Variants in BORCS7 observed in about 807,000 individuals in gnomAD.
The protein encoded by BORCS7 is BLOC-1-related complex subunit 7.
In BORCS7, 20 loss-of-function variants were observed where a neutral mutation model predicts 17.5. The ratio of observed to expected loss-of-function variants is 1.14; its 90% confidence interval spans 0.80 to 1.66. BORCS7 has a LOEUF of 1.66. BORCS7 is among the 40% of genes most tolerant of loss of function. The probability of loss-of-function intolerance (pLI) is 0.00; values close to 1 mark genes in which losing one functional copy is unlikely to be tolerated. For synonymous variants in BORCS7, 57 were observed against 49.8 expected, an observed-to-expected ratio of 1.14 and a Z score of -0.61; for missense variants, 122 against 129.7, an observed-to-expected ratio of 0.94 and a Z score of 0.29.
At position 102,856,760 on chromosome 10, in the gene BORCS7, T is replaced by C. The variant is rs1844433252; in HGVS notation, c.141+2333T>C. The stretch of plus-strand genomic sequence containing the variant: ...GTATGTTATGTGTCTGGTCTGTTTA[T>C]GTAGGAAAGTGATGCAGAATGCCAA... On this transcript the variant is annotated intron_variant, in intron 1 of 4. Coordinates refer to ENST00000339834, the MANE Select transcript of BORCS7 (RefSeq NM_001136200.2). Among the ~76,000 whole-genome samples the C allele has an allele frequency of 5.9e-5, 9 of 152,360 alleles. No individual in the cohort carries two copies. In the South Asian group the frequency reaches 1.9e-3, roughly 32 times the overall value.
Position 102,854,272 on chromosome 10 carries a change from C to A in BORCS7, c.-15C>A, listed in dbSNP as rs1462272287. The stretch of plus-strand genomic sequence containing the variant: ...CGACTCACCATCGTCAGTGCGCAAC[C>A]GTTCGCTAACTGAAATGATGGCGAC... On this transcript the variant is annotated 5_prime_UTR_variant, in exon 1 of 5. Transcript: ENST00000339834. 1.2e-6 allele frequency: 2 copies of A among 1,604,272 alleles called. No individual in the cohort carries two copies. Among genetic ancestry groups the A allele is most frequent in the African/African-American group, 2.7e-5 (2 of 74,948 alleles).
rs1033979462 is a variant in BORCS7 at position 102,864,855 on chromosome 10, C to T, written c.*1931C>T. 9.3e-5 allele frequency: 14 copies of T among 151,244 alleles called. No homozygotes were observed. The highest frequency in any genetic ancestry group is 2.7e-4 in the African/African-American group (11 of 41,100). 9.4% of individuals were successfully genotyped at this position (151,244 alleles called of 1,614,324 possible). On this transcript the variant is annotated 3_prime_UTR_variant, in exon 5 of 5. Transcript: ENST00000339834. Reference sequence around the variant, plus strand: ...AACGTCTAAGTTGTAGAGGTTGTGCCGGAAGATAATATTTTTAAAATAACA... The same window carrying T: ...AACGTCTAAGTTGTAGAGGTTGTGCTGGAAGATAATATTTTTAAAATAACA...
At chr10:102,859,539 C>T (rs538744327) in intron 1 of BORCS7, among the ~76,000 whole-genome samples, 1 of 151,594 alleles carries the variant, frequency 6.6e-6, no homozygotes, top group South Asian at 2.1e-4. Flanking sequence ...CCCCACACCC[C>T]CCACTGTTTC....
Position 102,854,381 on chromosome 10 carries a change from T to A in BORCS7, c.95T>A (p.Val32Glu), listed in dbSNP as rs749889707. ...TEKVTTCGTD[V>E]IALTKQVLKG... ...AAGGTGACCACCTGTGGTACTGACG[T>A]AATCGCGCTCACCAAGCAGGTGCTG... Residue 32 changes from valine to glutamate, a missense_variant, in exon 1 of 5, where the codon GTA (valine) becomes GAA (glutamate). By Grantham distance (121) the Val-to-Glu change is moderately radical (BLOSUM62 -2). Coordinates refer to ENST00000339834, the MANE Select transcript of BORCS7 (RefSeq NM_001136200.2). The A allele has an allele frequency of 3.5e-5, 54 of 1,562,180 alleles. No individual in the cohort carries two copies. Among genetic ancestry groups the A allele is most frequent in the Non-Finnish European group, 4.7e-5 (54 of 1,151,358 alleles).
chr10:102,854,334 C>G lies in BORCS7; in HGVS notation c.48C>G (p.Ser16=). Residue 16 remains serine (S), a synonymous_variant, in exon 1 of 5, where the codon TCC becomes TCG. Transcript: ENST00000339834. ...TPESQARFGQ[S]VKGLLTEKVT... is the part of the protein sequence containing the mutation. ...AGTCTCAAGCGCGGTTCGGTCAGTC[C>G]GTGAAGGGGCTTCTCACGGAGAAGG... is the stretch of plus-strand genomic sequence containing the variant. The G allele has an allele frequency of 6.3e-7, 1 of 1,598,928 alleles. No individual in the cohort carries two copies. The highest frequency in any genetic ancestry group is 8.5e-7 in the Non-Finnish European group (1 of 1,172,788).
intron 1 of BORCS7, among the ~76,000 whole-genome samples, chr10:102,859,219 T>G (rs1844477526): frequency 6.6e-6 from 1 of 151,394 alleles, no homozygotes; most frequent in Non-Finnish European, 1.5e-5. Context: ...CTCGGCTCAC[T>G]GCAACCTCTG....
intron 2 of BORCS7, 39 bp downstream of exon 2, chr10:102,860,433 G>A: frequency 6.2e-7 from 1 of 1,610,564 alleles, no homozygotes; most frequent in Non-Finnish European, 8.5e-7. Context: ...TTGGGTTTAT[G>A]TATATGGTTT....
rs1171258503 is a variant in BORCS7, at chr10:102,863,850, T to C, written c.*926T>C. On this transcript the variant is annotated 3_prime_UTR_variant, in exon 5 of 5. Transcript: ENST00000339834. ...CCTTGACCTGCATTCCTAGAATTTC[T>C]TTGTTGCTGTAATTCTTGATTAAGT... The C allele has an allele frequency of 1.3e-5, 2 of 152,248 alleles. No individual in the cohort carries two copies. Among genetic ancestry groups the C allele is most frequent in the African/African-American group, 4.8e-5 (2 of 41,464 alleles). The allele number at this position is 152,248 out of a possible 1,614,324, so 9.4% of individuals were successfully genotyped here.
chr10:102,857,655 A>T (rs1213506907), intron 1 of BORCS7, among the ~76,000 whole-genome samples: 1 of 152,182 alleles, frequency 6.6e-6, no homozygotes, highest in Non-Finnish European at 1.5e-5. Flanking sequence ...AAGATTTGAG[A>T]ATTTTTTGTA....
At chr10:102,856,336 G>T (rs887593921) in intron 1 of BORCS7, among the ~76,000 whole-genome samples, 1 of 151,728 alleles carries the variant, frequency 6.6e-6, no homozygotes, top group Admixed American at 6.6e-5. Flanking sequence ...GATTGCTTAA[G>T]CCCAGGGGTT....
chr10:102,862,505 A>G lies in BORCS7; in HGVS notation c.269+325A>G, dbSNP rs17115170. ...CCATTAAACAGCCTTGTTTTCTAAAATGGATTAAATTTGTCCCTTGCAACA... is the reference window on the plus strand; with the variant it reads ...CCATTAAACAGCCTTGTTTTCTAAAGTGGATTAAATTTGTCCCTTGCAACA... On this transcript the variant is annotated intron_variant, in intron 4 of 4. Transcript: ENST00000339834. Among the ~76,000 whole-genome samples the G allele has an allele frequency of 3.9e-3, 598 of 152,372 alleles. 16 individuals are homozygous for G. In the East Asian group the frequency reaches 0.065, roughly 17 times the overall value.
Position 102,854,411 on chromosome 10 carries a change from G to A in BORCS7, c.125G>A (p.Gly42Asp). The change falls in exon 1 of 5, where the codon GGC (glycine) becomes GAC (aspartate). Residue 42 changes from glycine to aspartate, a missense_variant. Physicochemically the swap from Gly to Asp is moderately conservative, Grantham distance 94. Transcript: ENST00000339834. Reference sequence around the variant, plus strand: ...GCGCTCACCAAGCAGGTGCTGAAAGGCTCCCGGAGCTCCGAGGTGAGCTGG... The same window carrying A: ...GCGCTCACCAAGCAGGTGCTGAAAGACTCCCGGAGCTCCGAGGTGAGCTGG... ...VIALTKQVLKGSRSSELLGQA... is the reference protein window; with the variant it reads ...VIALTKQVLKDSRSSELLGQA... 6.5e-7 allele frequency: 1 copy of A among 1,540,600 alleles called. No individual in the cohort carries two copies. The highest frequency in any genetic ancestry group is 1.4e-5 in the African/African-American group (1 of 73,234).
chr10:102,859,126 A>G (rs1371172247), intron 1 of BORCS7, among the ~76,000 whole-genome samples: 1 of 146,010 alleles, frequency 6.8e-6, no homozygotes, highest in Non-Finnish European at 1.5e-5. Context: ...CTGCCTGCAC[A>G]TTTCTCCTTT....
chr10:102,854,345 T>G lies in BORCS7; in HGVS notation c.59T>G (p.Leu20Arg), dbSNP rs760142332. The G allele has an allele frequency of 3.8e-6, 6 of 1,594,006 alleles. No homozygotes were observed. In the African/African-American group the frequency reaches 8.0e-5, roughly 21 times the overall value. The change falls in exon 1 of 5, where the codon CTT (leucine) becomes CGT (arginine). Residue 20 changes from leucine (L) to arginine (R), a missense_variant. Leu to Arg is a moderately radical substitution (Grantham distance 102). Transcript: ENST00000339834. ...CGGTTCGGTCAGTCCGTGAAGGGGC[T>G]TCTCACGGAGAAGGTGACCACCTGT... ...QARFGQSVKG[L>R]LTEKVTTCGT...
chr10:102,857,983 C>CA (rs1227142469), intron 1 of BORCS7, among the ~76,000 whole-genome samples: 2 of 151,560 alleles, frequency 1.3e-5, no homozygotes, highest in Non-Finnish European at 2.9e-5. Context: ...GGCAACATGG[C>CA]AAAACCCCAT....
chr10:102,860,554 C>T lies in BORCS7; in HGVS notation c.248+13C>T. On this transcript the variant is annotated intron_variant, in intron 3 of 4. Coordinates refer to ENST00000339834, the MANE Select transcript of BORCS7 (RefSeq NM_001136200.2). ...ATCTTCAATACCAGTGAGTATGCCCCCTCCAGCAACTATTTGCTGCAGAAT... is the reference window on the plus strand; with the variant it reads ...ATCTTCAATACCAGTGAGTATGCCCTCTCCAGCAACTATTTGCTGCAGAAT... 8 of 1,609,658 alleles carry T rather than the reference C, an allele frequency of 5.0e-6. No individual in the cohort carries two copies. The highest frequency in any genetic ancestry group is 6.0e-6 in the Non-Finnish European group (7 of 1,176,040).
At chr10:102,854,474 A>G (rs374746283) in intron 1 of BORCS7, 47 bp downstream of exon 1, 1 of 1,506,530 alleles carries the variant, frequency 6.6e-7, no homozygotes, top group Admixed American at 2.2e-5. Context: ...GGGGAGTCGC[A>G]GTCTTTCGTT....
At chr10:102,855,414 C>G (rs1844410699) in intron 1 of BORCS7, among the ~76,000 whole-genome samples, 1 of 152,100 alleles carries the variant, frequency 6.6e-6, no homozygotes, top group South Asian at 2.1e-4. Flanking sequence ...CATCAGCCTT[C>G]CAAAGTGCTG....
chr10:102,855,658 G>A (rs1590210810), intron 1 of BORCS7, among the ~76,000 whole-genome samples: 2 of 152,284 alleles, frequency 1.3e-5, no homozygotes. Flanking sequence ...AGAGACAGAC[G>A]ATAAACAAGT....
Sources: allele counts gnomAD v4.1 joint callset (sites outside exome capture counted in the v4.1 genomes callset), GRCh38; gene constraint gnomAD v4.1.1; transcripts MANE v1.5; gene names NCBI Gene and HGNC (gene_info 2026-07-23, HGNC 2026-07-21).